DLGAP4: variants seen among roughly 807,000 people sequenced by gnomAD.
The protein encoded by DLGAP4 is DLG associated protein 4.
A neutral mutation model predicts 86.9 loss-of-function variants in DLGAP4; 18 were observed. That is an observed-to-expected ratio of 0.21 (90% confidence interval 0.14 to 0.31). The LOEUF (loss-of-function observed/expected upper bound fraction) is 0.31, where lower values mean the gene tolerates loss of function less well. DLGAP4 is among the 10% of genes least tolerant of loss of function. The pLI, the probability that DLGAP4 is intolerant of heterozygous loss-of-function variation, is 1.00. For missense variants in DLGAP4, 1,085 were observed against 1,362.6 expected (o/e 0.80, Z 3.21); for synonymous variants, 548 against 574.3 (o/e 0.95, Z 0.65).
rs1183703010 is a variant in DLGAP4 at position 36,306,497 on chromosome 20, G to A, written c.-319G>A. On this transcript the variant is annotated 5_prime_UTR_variant, in exon 1 of 13. Coordinates refer to ENST00000339266, the MANE Select transcript of DLGAP4 (RefSeq NM_001365621.2). The surrounding 1 kb of genome is among the most constrained non-coding windows in gnomAD (Gnocchi z 4.9). ...ACGGCAGAGCGGGCCGGAGGCGGCC[G>A]AGGCGCCCGGCGCAGGTGAGGGCGC... is the stretch of plus-strand genomic sequence containing the variant. The A allele has an allele frequency of 1.3e-5, 2 of 151,162 alleles. No homozygotes were observed. The highest frequency in any genetic ancestry group is 3.0e-5 in the Non-Finnish European group (2 of 67,566). The allele number at this position is 151,162 out of a possible 1,614,324, so 9.4% of individuals were successfully genotyped here.
chr20:36,467,011 CTCTCTCCTCTCTCT>C (rs2034407401), intron 7 of DLGAP4, among the ~76,000 whole-genome samples: 1 of 132,546 alleles, frequency 7.5e-6, no homozygotes, highest in African/African-American at 3.0e-5. Context: ...CTCTCTCTCT[CTCTCTCCTCTCTCT>C]CTCTCTCTCT....
intron 2 of DLGAP4, among the ~76,000 whole-genome samples, chr20:36,382,350 T>A (rs1251945048): frequency 7.2e-6 from 1 of 138,102 alleles, no homozygotes; most frequent in South Asian, 2.5e-4. Context: ...CACTGTGTAG[T>A]GGCTGAGTAG....
intron 1 of DLGAP4, among the ~76,000 whole-genome samples, chr20:36,312,980 G>T (rs2065066262): frequency 6.6e-6 from 1 of 152,188 alleles, no homozygotes; most frequent in Non-Finnish European, 1.5e-5. Flanking sequence ...TACTTGGTGG[G>T]AGTAGAGGTG....
At chr20:36,326,961 A>G (rs549137812) in intron 1 of DLGAP4, among the ~76,000 whole-genome samples, 3 of 145,370 alleles carry the variant, frequency 2.1e-5, no homozygotes, top group African/African-American at 7.6e-5. Context: ...TATGTAACAC[A>G]TATCTTTCTT....
chr20:36,525,087 G>A (rs1468729853), intron 11 of DLGAP4, among the ~76,000 whole-genome samples: 2 of 149,998 alleles, frequency 1.3e-5, no homozygotes, highest in African/African-American at 2.5e-5. Context: ...GCGTAGTGGC[G>A]GGTGCCTGTA....
chr20:36,526,792 C>G, intron 12 of DLGAP4, 21 bp from the exon 13 acceptor site: 2 of 1,569,872 alleles, frequency 1.3e-6, no homozygotes, highest in East Asian at 2.3e-5. Flanking sequence ...TTTTTGTTCT[C>G]TCCTCACTGT....
chr20:36,443,277 G>A lies in DLGAP4; in HGVS notation c.1407+500G>A, dbSNP rs549921622. On this transcript the variant is annotated intron_variant, in intron 6 of 12. Transcript: ENST00000339266. Reference sequence around the variant, plus strand: ...ACTTCACACAGGTTGGTGAGGTTGTGCTGCTCATGGCACTGTGGCTGCCCT... The same window carrying A: ...ACTTCACACAGGTTGGTGAGGTTGTACTGCTCATGGCACTGTGGCTGCCCT... Among the ~76,000 whole-genome samples, 3 of 152,290 alleles carry A rather than the reference G, an allele frequency of 2.0e-5. No individual in the cohort carries two copies. The East Asian group carries it at 5.8e-4, about 29-fold the overall frequency.
rs908435050 is a variant in DLGAP4 at position 36,308,788 on chromosome 20, G to A, written c.-304+2276G>A. Among the ~76,000 whole-genome samples the A allele has an allele frequency of 3.3e-5, 5 of 152,190 alleles. No homozygotes were observed. The highest frequency in any genetic ancestry group is 1.2e-4 in the African/African-American group (5 of 41,446). On this transcript the variant is annotated intron_variant, in intron 1 of 12. Transcript: ENST00000339266. This position sits in a 1 kb window ranked among gnomAD's most constrained non-coding sequence, Gnocchi z 4.5. ...TCCGTGATGGGTATTCATTCATTCA[G>A]AAAAGCATTAGAAAATCGCATTTGC...
chr20:36,437,919 G>C (rs1306707672), intron 4 of DLGAP4, among the ~76,000 whole-genome samples: 2 of 152,112 alleles, frequency 1.3e-5, no homozygotes, highest in Admixed American at 6.5e-5. Context: ...TTTTTGTGGG[G>C]ATGTGGGGAA....
intron 7 of DLGAP4, among the ~76,000 whole-genome samples, chr20:36,456,884 A>T (rs2033892467): frequency 6.6e-6 from 1 of 152,232 alleles, no homozygotes; most frequent in African/African-American, 2.4e-5. Context: ...AAGGTGTTTA[A>T]ATAGAACCTT....
intron 1 of DLGAP4, among the ~76,000 whole-genome samples, chr20:36,338,149 C>T (rs144534261): frequency 3.3e-5 from 5 of 152,302 alleles, no homozygotes; most frequent in East Asian, 1.9e-4. Flanking sequence ...CTGTGTGTGA[C>T]GCCCTGGACA....
At chr20:36,371,219 A>G (rs1482003888) in intron 2 of DLGAP4, among the ~76,000 whole-genome samples, 3 of 152,192 alleles carry the variant, frequency 2.0e-5, no homozygotes, top group African/African-American at 7.2e-5. Flanking sequence ...TGGGGCCCTG[A>G]ACTGACACTA....
chr20:36,385,324 G>A (rs1020664600), intron 2 of DLGAP4, among the ~76,000 whole-genome samples: 9 of 152,140 alleles, frequency 5.9e-5, no homozygotes, highest in Admixed American at 2.6e-4. Flanking sequence ...CTAGCTTAGC[G>A]GAAGAGCACG....
chr20:36,501,070 T>C (rs1214865181), intron 10 of DLGAP4, among the ~76,000 whole-genome samples: 16 of 151,518 alleles, frequency 1.1e-4, no homozygotes, highest in Admixed American at 1.1e-3. Context: ...ACAACTTTTT[T>C]TTTTTTTTTT....
Position 36,389,830 on chromosome 20 carries a change from G to T in DLGAP4, c.-73+22555G>T, listed in dbSNP as rs368758375. On this transcript the variant is annotated intron_variant, in intron 2 of 12. Transcript: ENST00000339266. ...TGAAAGGAAAATAAGTCAATTAATT[G>T]CTCAGGTGTGTGCAGAGTATCCATG... 7.2e-5 allele frequency among the ~76,000 whole-genome samples: 11 copies of T among 152,314 alleles called. No individual in the cohort carries two copies. The East Asian group carries it at 2.1e-3, about 29-fold the overall frequency.
At chr20:36,413,257 C>T (rs551069031) in intron 2 of DLGAP4, among the ~76,000 whole-genome samples, 2 of 152,032 alleles carry the variant, frequency 1.3e-5, no homozygotes, top group South Asian at 4.2e-4. Context: ...GGATTACAGG[C>T]ATGAGCCACC....
chr20:36,318,738 T>TCTGG (rs1424445753), intron 1 of DLGAP4, among the ~76,000 whole-genome samples: 1 of 152,070 alleles, frequency 6.6e-6, no homozygotes, highest in Non-Finnish European at 1.5e-5. Context: ...GCAGGGAGGC[T>TCTGG]CTGGCTGGGT....
intron 12 of DLGAP4, 76 bp downstream of exon 12, chr20:36,526,082 G>C: frequency 1.9e-6 from 3 of 1,601,830 alleles, no homozygotes; most frequent in Non-Finnish European, 2.6e-6. Context: ...ACATCGGTCA[G>C]TGCTGCTTGG....
chr20:36,497,508 G>A (rs993894303), intron 8 of DLGAP4: 23 of 1,000,670 alleles, frequency 2.3e-5, no homozygotes, highest in South Asian at 1.3e-4. Context: ...GAGCATAGAC[G>A]CTGTTGGGCC....
Sources: gnomAD v4.1 joint callset for allele counts (sites outside exome capture counted in the v4.1 genomes callset) on GRCh38, gnomAD v4.1.1 for gene constraint, Gnocchi (gnomAD v3.1) non-coding constraint, MANE v1.5 for transcripts, NCBI Gene and HGNC (gene_info 2026-07-23, HGNC 2026-07-21) for gene names.